The following ROBO2 variants were observed in gnomAD, a reference collection of about 807,000 sequenced individuals.
The protein encoded by ROBO2 is roundabout homolog 2.
In ROBO2, 53 loss-of-function variants were observed where a neutral mutation model predicts 160.8. The ratio of observed to expected loss-of-function variants is 0.33; its 90% CI spans 0.26 to 0.41. The LOEUF is 0.41. Ranked by LOEUF, ROBO2 falls within the 10% of genes least tolerant of loss-of-function variation. The pLI is 1.00. For missense variants in ROBO2, 1,577 were observed against 1,722.4 expected (o/e 0.92, Z 1.49); for synonymous variants, 664 against 611.7 (o/e 1.09, Z -1.26).
intron 2 of ROBO2, among the ~76,000 whole-genome samples, chr3:75,940,125 T>C (rs1280887657): frequency 2.0e-5 from 3 of 152,212 alleles, no homozygotes; most frequent in African/African-American, 7.2e-5. Context: ...ATGAATAGAC[T>C]ATGTTCTAAA....
chr3:77,039,595 C>A (rs549949043), upstream of ROBO2, among the ~76,000 whole-genome samples: 23 of 152,246 alleles, frequency 1.5e-4, no homozygotes, highest in African/African-American at 5.3e-4. Flanking sequence ...CCGGTGGCCT[C>A]GGCCCTCGGC....
intron 2 of ROBO2, among the ~76,000 whole-genome samples, chr3:77,327,123 T>C (rs2065475175): frequency 6.6e-6 from 1 of 152,226 alleles, no homozygotes; most frequent in African/African-American, 2.4e-5. Context: ...ATAGAAATGT[T>C]GTTCTATATA....
intron 2 of ROBO2, among the ~76,000 whole-genome samples, chr3:77,250,584 G>A (rs1180098469): frequency 6.6e-6 from 1 of 152,210 alleles, no homozygotes; most frequent in African/African-American, 2.4e-5. Context: ...ACACATCCAT[G>A]TGTTAACTGA....
intron 2 of ROBO2, among the ~76,000 whole-genome samples, chr3:77,393,144 A>C (rs954410223): frequency 6.6e-6 from 1 of 151,926 alleles, no homozygotes; most frequent in African/African-American, 2.4e-5. Flanking sequence ...ATGAAATCTC[A>C]TTTTCTATTT....
intron 2 of ROBO2, among the ~76,000 whole-genome samples, chr3:77,399,158 G>A (rs78653305): frequency 0.02 from 3,088 of 152,100 alleles, 111 homozygotes; most frequent in African/African-American, 0.071. Context: ...GAAAATACTT[G>A]GGGCAGTAAA....
chr3:77,543,239 GA>G (rs971073052), intron 6 of ROBO2, among the ~76,000 whole-genome samples: 13 of 151,148 alleles, frequency 8.6e-5, no homozygotes, highest in African/African-American at 2.9e-4. Flanking sequence ...TGTTTTCATT[GA>G]AAAAAATCAC....
At chr3:76,425,675 C>T (rs938189768) in intron 2 of ROBO2, among the ~76,000 whole-genome samples, 6 of 151,990 alleles carry the variant, frequency 3.9e-5, no homozygotes, top group Non-Finnish European at 7.4e-5. Context: ...ACGTTTCTGA[C>T]TTTCCTCATA....
chr3:76,171,177 C>G (rs2073024819), intron 2 of ROBO2, among the ~76,000 whole-genome samples: 2 of 152,000 alleles, frequency 1.3e-5, no homozygotes, highest in Non-Finnish European at 2.9e-5. Context: ...AGGTCATAGT[C>G]TCATTATTTT....
chr3:76,529,613 T>G (rs2082120143), intron 2 of ROBO2, among the ~76,000 whole-genome samples: 1 of 152,152 alleles, frequency 6.6e-6, no homozygotes, highest in Non-Finnish European at 1.5e-5. Context: ...AGATGATGTT[T>G]GTTATTATTA....
intron 2 of ROBO2, among the ~76,000 whole-genome samples, chr3:76,611,091 C>T (rs1014268951): frequency 2.0e-5 from 3 of 152,044 alleles, no homozygotes; most frequent in African/African-American, 7.2e-5. Context: ...GGAAAAACCA[C>T]CATTCGATTG....
At chr3:77,402,863 C>T (rs762841240) in intron 2 of ROBO2, among the ~76,000 whole-genome samples, 6 of 152,034 alleles carry the variant, frequency 3.9e-5, no homozygotes, top group African/African-American at 7.2e-5. Flanking sequence ...ACTTGGCCCT[C>T]TTACAAGTGT....
intron 5 of ROBO2, among the ~76,000 whole-genome samples, chr3:77,506,755 G>C (rs1266479985): frequency 1.3e-4 from 20 of 152,136 alleles, no homozygotes; most frequent in Admixed American, 1.3e-3. Flanking sequence ...CATTGCTCAA[G>C]TAGTTATTTT....
chr3:76,538,143 G>GACAGAACTC (rs935119840), intron 2 of ROBO2, among the ~76,000 whole-genome samples: 1 of 129,920 alleles, frequency 7.7e-6, no homozygotes, highest in Non-Finnish European at 1.6e-5. Flanking sequence ...TCAGAGGCCT[G>GACAGAACTC]ACAGAACTCA....
At chr3:76,983,609 G>A (rs1235146649) in intron 2 of ROBO2, among the ~76,000 whole-genome samples, 2 of 152,066 alleles carry the variant, frequency 1.3e-5, no homozygotes, top group Non-Finnish European at 2.9e-5. Flanking sequence ...ACAAGGACAA[G>A]AATACTGTTT....
At chr3:76,016,873 A>C (rs1237213601) in intron 2 of ROBO2, among the ~76,000 whole-genome samples, 1 of 152,138 alleles carries the variant, frequency 6.6e-6, no homozygotes, top group Non-Finnish European at 1.5e-5. Context: ...GGAAAAACAG[A>C]CAAATGAAGA....
chr3:76,211,748 A>G (rs1255064970), intron 2 of ROBO2, among the ~76,000 whole-genome samples: 1 of 152,060 alleles, frequency 6.6e-6, no homozygotes, highest in Non-Finnish European at 1.5e-5. Context: ...TCATAATTTA[A>G]AGATTCTGTC....
At chr3:76,248,356 T>C (rs1201563113) in intron 2 of ROBO2, among the ~76,000 whole-genome samples, 4 of 151,560 alleles carry the variant, frequency 2.6e-5, no homozygotes, top group Admixed American at 6.6e-5. Context: ...ATGGATGAAA[T>C]TGGAAATCAT....
chr3:76,351,005 AGTC>A, intron 2 of ROBO2, among the ~76,000 whole-genome samples: 1 of 152,102 alleles, frequency 6.6e-6, no homozygotes, highest in East Asian at 1.9e-4. Context: ...ATGAATTGGT[AGTC>A]ATAACTGCTT....
At chr3:76,072,353 C>G (rs900241653) in intron 2 of ROBO2, among the ~76,000 whole-genome samples, 1 of 151,938 alleles carries the variant, frequency 6.6e-6, no homozygotes, top group Non-Finnish European at 1.5e-5. Context: ...TCATATTTTA[C>G]CTGCTATTTT....
Sources: allele counts gnomAD v4.1 joint callset (sites outside exome capture counted in the v4.1 genomes callset), GRCh38; gene constraint gnomAD v4.1.1; transcripts MANE v1.5; gene names NCBI Gene and HGNC (gene_info 2026-07-23, HGNC 2026-07-21).